The following CDK14 variants were observed in gnomAD, a reference collection of about 807,000 sequenced individuals.
The protein encoded by CDK14 is cyclin-dependent kinase 14.
A neutral mutation model predicts 60.7 loss-of-function variants in CDK14; 34 were observed. The observed-to-expected ratio is 0.56, with a 90% CI of 0.43 to 0.75. The LOEUF (loss-of-function observed/expected upper bound fraction) is 0.75. Among genes scored for constraint, CDK14 ranks in the 30% least tolerant of loss-of-function variants. The pLI, the probability that CDK14 is intolerant of heterozygous loss-of-function variation, is 0.00. For missense variants in CDK14, 482 were observed against 564.1 expected (o/e 0.85, Z 1.47); for synonymous variants, 197 against 203.7 (o/e 0.97, Z 0.28).
chr7:91,122,619 C>G (rs1353603050), intron 14 of CDK14, among the ~76,000 whole-genome samples: 2 of 152,196 alleles, frequency 1.3e-5, no homozygotes, highest in South Asian at 2.1e-4. Context: ...CTTTTTCTGT[C>G]TTTGCATCAA....
At chr7:90,814,827 T>C (rs745524494) in intron 5 of CDK14, among the ~76,000 whole-genome samples, 26 of 152,158 alleles carry the variant, frequency 1.7e-4, no homozygotes, top group Non-Finnish European at 3.2e-4. Flanking sequence ...GGAAGCTGAT[T>C]GTAAATGGCA....
intron 5 of CDK14, among the ~76,000 whole-genome samples, chr7:90,803,437 G>T (rs889478585): frequency 2.6e-5 from 4 of 152,156 alleles, no homozygotes; most frequent in African/African-American, 9.6e-5. Context: ...GTTTGGAAGG[G>T]ACTTAAGAGG....
At chr7:90,978,694 A>G (rs1795144156) in intron 9 of CDK14, among the ~76,000 whole-genome samples, 1 of 152,146 alleles carries the variant, frequency 6.6e-6, no homozygotes, top group Non-Finnish European at 1.5e-5. Context: ...ATCACTCCAC[A>G]TATTTTCTCC....
chr7:90,683,183 CT>C (rs1476393586), intron 2 of CDK14, among the ~76,000 whole-genome samples: 1 of 152,158 alleles, frequency 6.6e-6, no homozygotes, highest in Non-Finnish European at 1.5e-5. Flanking sequence ...CAAATTGACC[CT>C]TGGCCTTCTC....
At chr7:90,892,086 A>G (rs895896637) in intron 6 of CDK14, among the ~76,000 whole-genome samples, 9 of 152,202 alleles carry the variant, frequency 5.9e-5, no homozygotes, top group Admixed American at 5.9e-4. Flanking sequence ...GCAAAATTTC[A>G]TGTCCAAGAG....
intron 12 of CDK14, among the ~76,000 whole-genome samples, chr7:91,090,139 C>T (rs1798757992): frequency 6.6e-6 from 1 of 152,136 alleles, no homozygotes; most frequent in Admixed American, 6.6e-5. Context: ...CTTCCTTTGC[C>T]TGCCTCACAC....
chr7:91,202,306 T>C (rs1399510018), intron 14 of CDK14, among the ~76,000 whole-genome samples: 1 of 152,218 alleles, frequency 6.6e-6, no homozygotes, highest in Non-Finnish European at 1.5e-5. Flanking sequence ...TCCAATTTCT[T>C]GTTTAAAACA....
intron 5 of CDK14, among the ~76,000 whole-genome samples, chr7:90,860,003 T>C (rs183171859): frequency 1.3e-5 from 2 of 152,344 alleles, no homozygotes; most frequent in Admixed American, 1.3e-4. Flanking sequence ...CATAATGTTT[T>C]TAATGTAATG....
At position 91,076,982 on chromosome 7, in the gene CDK14, A is replaced by G. The variant is rs190193476; in HGVS notation, c.1106-2450A>G. ...TGCCTGTCAGAATGGCAATTATTAA[A>G]AAGTCAAGATACAGTAGCTGCTGGT... On this transcript the variant is annotated intron_variant, in intron 11 of 14. Coordinates refer to ENST00000380050, the MANE Select transcript of CDK14 (RefSeq NM_001287135.2). Among the ~76,000 whole-genome samples, 18 of 152,348 alleles carry G rather than the reference A, an allele frequency of 1.2e-4. No homozygotes were observed. The East Asian group carries it at 3.3e-3, about 28-fold the overall frequency.
intron 2 of CDK14, among the ~76,000 whole-genome samples, chr7:90,720,125 G>T (rs1448494005): frequency 6.6e-6 from 1 of 152,162 alleles, no homozygotes; most frequent in African/African-American, 2.4e-5. Flanking sequence ...GACAGTCCTT[G>T]CCCTGTGGAA....
intron 14 of CDK14, among the ~76,000 whole-genome samples, chr7:91,200,043 A>G (rs1802668935): frequency 6.6e-6 from 1 of 152,156 alleles, no homozygotes; most frequent in South Asian, 2.1e-4. Context: ...CCCCTTCTCA[A>G]GGAGCCTCAA....
At chr7:90,780,470 A>G (rs1805263499) in intron 4 of CDK14, among the ~76,000 whole-genome samples, 1 of 150,874 alleles carries the variant, frequency 6.6e-6, no homozygotes, top group South Asian at 2.1e-4. Flanking sequence ...ACATGTGCAC[A>G]ATGTGCAGGT....
chr7:90,927,322 A>G (rs1793449007), intron 8 of CDK14, among the ~76,000 whole-genome samples: 1 of 152,110 alleles, frequency 6.6e-6, no homozygotes, highest in Admixed American at 6.5e-5. Flanking sequence ...TTCAGAAAAT[A>G]TACTCTTATC....
chr7:90,713,918 T>G (rs1184268391), intron 2 of CDK14, among the ~76,000 whole-genome samples: 1 of 152,114 alleles, frequency 6.6e-6, no homozygotes, highest in Non-Finnish European at 1.5e-5. Flanking sequence ...CTTATGAGGT[T>G]GTTGTAGAGA....
intron 8 of CDK14, among the ~76,000 whole-genome samples, chr7:90,946,338 C>G (rs995819319): frequency 6.6e-6 from 1 of 152,160 alleles, no homozygotes. Context: ...TCAAGACAAC[C>G]AAGATTGTCA....
intron 11 of CDK14, among the ~76,000 whole-genome samples, chr7:91,064,945 T>TAAAA (rs1797931793): frequency 1.3e-5 from 2 of 152,204 alleles, no homozygotes; most frequent in Non-Finnish European, 2.9e-5. Flanking sequence ...AGAGAAGTAG[T>TAAAA]CTATGACTTT....
chr7:90,873,941 G>T (rs1278855229), intron 6 of CDK14, among the ~76,000 whole-genome samples: 1 of 151,966 alleles, frequency 6.6e-6, no homozygotes, highest in Non-Finnish European at 1.5e-5. Flanking sequence ...TTCAGAATTT[G>T]ATATTTATAT....
In CDK14 at chr7:90,639,408, G is replaced by T. The variant is rs548899145; in HGVS notation, c.123+35159G>T. On this transcript the variant is annotated intron_variant, in intron 2 of 14. Coordinates refer to ENST00000380050, the MANE Select transcript of CDK14 (RefSeq NM_001287135.2). ...TAGAGGTCCACTCCAGACCCTGTTT[G>T]CCTGGGTATCAGCAGTGGTGTCTGC... Among the ~76,000 whole-genome samples, 25 of 152,198 alleles carry T rather than the reference G, an allele frequency of 1.6e-4. 1 individual carries two copies. In the East Asian group the frequency reaches 3.9e-3, roughly 24 times the overall value.
intron 5 of CDK14, among the ~76,000 whole-genome samples, chr7:90,814,841 G>C (rs1789287478): frequency 6.6e-6 from 1 of 152,164 alleles, no homozygotes; most frequent in Admixed American, 6.5e-5. Flanking sequence ...AATGGCAACT[G>C]ACAAGCTGAA....
Sources: gnomAD v4.1 joint callset for allele counts (sites outside exome capture counted in the v4.1 genomes callset) on GRCh38, gnomAD v4.1.1 for gene constraint, MANE v1.5 for transcripts, NCBI Gene and HGNC (gene_info 2026-07-23, HGNC 2026-07-21) for gene names.